The following CDC5L variants were observed in gnomAD, a reference collection of about 807,000 sequenced individuals.
CDC5L encodes cell division cycle 5-like protein.
A neutral mutation model predicts 104.1 loss-of-function variants in CDC5L; 18 were observed. The ratio of observed to expected loss-of-function variants is 0.17; its 90% CI spans 0.12 to 0.26. The LOEUF is 0.26. Among genes scored for constraint, CDC5L ranks in the 10% least tolerant of loss-of-function variants. The pLI is 1.00. For synonymous variants in CDC5L, 331 were observed against 322.7 expected, an observed-to-expected ratio of 1.03 and a Z score of -0.28; for missense variants, 673 against 956.9, an observed-to-expected ratio of 0.70 and a Z score of 3.91.
intron 14 of CDC5L, among the ~76,000 whole-genome samples, chr6:44,437,822 G>T (rs973978410): frequency 6.6e-6 from 1 of 152,136 alleles, no homozygotes; most frequent in Admixed American, 6.5e-5. Context: ...ATGTTAATTC[G>T]TATGATTAAT....
intron 1 of CDC5L, 87 bp downstream of exon 1, chr6:44,387,955 G>T: frequency 7.6e-7 from 1 of 1,312,282 alleles, no homozygotes; most frequent in South Asian, 1.3e-5. Context: ...GGGCGACGAG[G>T]AGACCCTGTG....
At chr6:44,423,314 A>G (rs891083985) in intron 10 of CDC5L, among the ~76,000 whole-genome samples, 2 of 152,240 alleles carry the variant, frequency 1.3e-5, no homozygotes, top group Non-Finnish European at 2.9e-5. Flanking sequence ...GAATGGATAC[A>G]TAAGAATTAA....
chr6:44,435,283 A>T (rs1419707369), intron 14 of CDC5L, among the ~76,000 whole-genome samples: 2 of 151,742 alleles, frequency 1.3e-5, no homozygotes, highest in African/African-American at 4.8e-5. Flanking sequence ...TTTGAGAGAT[A>T]TTTGTTTTCT....
Position 44,408,993 on chromosome 6 carries a change from C to T in CDC5L, c.1092+361C>T, listed in dbSNP as rs1013381748. On this transcript the variant is annotated intron_variant, in intron 8 of 15. Coordinates refer to ENST00000371477, the MANE Select transcript of CDC5L (RefSeq NM_001253.4). ...TGTACTTAGCTTCACATAGTGTGCC[C>T]GCAGTTCTACTTTCTTCCCTCTCTC... Among the ~76,000 whole-genome samples the T allele has an allele frequency of 7.9e-5, 12 of 152,248 alleles. 1 individual carries two copies. The South Asian group carries it at 1.0e-3, about 13-fold the overall frequency.
At position 44,393,479 on chromosome 6, in the gene CDC5L, A is replaced by G. The variant is rs1790714117; in HGVS notation, c.345A>G (p.Glu115=). The G allele has an allele frequency of 1.2e-6, 2 of 1,613,894 alleles. No individual in the cohort carries two copies. The highest frequency in any genetic ancestry group is 1.7e-5 in the Admixed American group (1 of 59,996). ...DKAAQRDNEE[E]TTDDPRKLKP... is the part of the protein sequence containing the mutation. ...CTGCCCAAAGAGACAATGAAGAGGA[A>G]ACAACAGATGATCCACGAAAACTTA... The change falls in exon 4 of 16, where the codon GAA becomes GAG. Residue 115 remains glutamate (E), a synonymous_variant. Coordinates refer to ENST00000371477, the MANE Select transcript of CDC5L (RefSeq NM_001253.4).
In CDC5L at chr6:44,446,948, C is replaced by T. The variant is rs1292250705; in HGVS notation, c.*237C>T. On this transcript the variant is annotated 3_prime_UTR_variant, in exon 16 of 16. Transcript: ENST00000371477. ...CATTCTTTTAGTAATGTCATATTTG[C>T]AAACTTTTTTAGTTTTGGCCTTTAA... is the stretch of plus-strand genomic sequence containing the variant. The T allele has an allele frequency of 3.4e-6, 1 of 296,178 alleles. No individual in the cohort carries two copies. The highest frequency in any genetic ancestry group is 5.1e-5 in the Admixed American group (1 of 19,756). 18.3% of individuals were successfully genotyped at this position (296,178 alleles called of 1,614,324 possible). A position where few individuals can be genotyped will look rare whatever the true frequency, so the allele number is the denominator to read the frequency against.
rs1161302435 is a variant in CDC5L at position 44,419,460 on chromosome 6, C to T, written c.1104C>T (p.Asn368=). The change falls in exon 9 of 16, where the codon AAC becomes AAT. Residue 368 remains asparagine (N), a synonymous_variant. Coordinates refer to ENST00000371477, the MANE Select transcript of CDC5L (RefSeq NM_001253.4). ...SQDRILQEAQ[N]LMALTNVDTP... Reference sequence around the variant, plus strand: ...TTCTTGTTAATCAGGAAGCCCAGAACCTCATGGCCCTCACCAATGTGGACA... The same window carrying T: ...TTCTTGTTAATCAGGAAGCCCAGAATCTCATGGCCCTCACCAATGTGGACA... 3.7e-6 allele frequency: 6 copies of T among 1,613,738 alleles called. No individual in the cohort carries two copies. Among genetic ancestry groups the T allele is most frequent in the African/African-American group, 2.7e-5 (2 of 74,888 alleles).
At chr6:44,411,768 T>C (rs957348591) in intron 8 of CDC5L, among the ~76,000 whole-genome samples, 1 of 152,148 alleles carries the variant, frequency 6.6e-6, no homozygotes, top group African/African-American at 2.4e-5. Context: ...AGCTCAAGGC[T>C]TTGAGGAGGT....
rs1792595958 is a variant in CDC5L, at chr6:44,429,816, G to A, written c.1997G>A (p.Ser666Asn). Residue 666 changes from serine (S) to asparagine (N), a missense_variant, in exon 14 of 16, where the codon AGT becomes AAT. By Grantham distance (46) the Ser-to-Asn change is conservative. This residue lies in a region of CDC5L where 578 missense variants were observed against 737.0 expected (regional missense o/e 0.78). Coordinates refer to ENST00000371477, the MANE Select transcript of CDC5L (RefSeq NM_001253.4). ...AACCAGGTGTGGGAAGAATGCTACA[G>A]TCAAGTTTTATATCTTCCTGGGCAG... The part of the protein sequence containing the change: ...AYNQVWEECY[S>N]QVLYLPGQSR... The A allele has an allele frequency of 1.2e-6, 2 of 1,613,994 alleles. No homozygotes were observed. The highest frequency in any genetic ancestry group is 1.7e-6 in the Non-Finnish European group (2 of 1,179,948).
rs1194633645 is a variant in CDC5L at position 44,426,095 on chromosome 6, T to A, written c.1570-8T>A. ...GCTGCAATAAAGGATATAAAAATCA[T>A]TTTTTAGGCCATACGAGATGCAGAG... On this transcript the variant is annotated splice_region_variant and splice_polypyrimidine_tract_variant and intron_variant, in intron 11 of 15. Transcript: ENST00000371477. 6.4e-7 allele frequency: 1 copy of A among 1,574,438 alleles called. No individual in the cohort carries two copies. The highest frequency in any genetic ancestry group is 1.8e-5 in the Admixed American group (1 of 57,106).
Position 44,446,943 on chromosome 6 carries a change from A to G in CDC5L, c.*232A>G, listed in dbSNP as rs186405901. Reference sequence around the variant, plus strand: ...GCTATCATTCTTTTAGTAATGTCATATTTGCAAACTTTTTTAGTTTTGGCC... The same window carrying G: ...GCTATCATTCTTTTAGTAATGTCATGTTTGCAAACTTTTTTAGTTTTGGCC... On this transcript the variant is annotated 3_prime_UTR_variant, in exon 16 of 16. Coordinates refer to ENST00000371477, the MANE Select transcript of CDC5L (RefSeq NM_001253.4). 28 of 305,866 alleles carry G rather than the reference A, an allele frequency of 9.2e-5. No individual in the cohort carries two copies. The highest frequency in any genetic ancestry group is 5.2e-4 in the African/African-American group (24 of 46,586). The allele number at this position is 305,866 out of a possible 1,614,324, so 18.9% of individuals were successfully genotyped here. A position where few individuals can be genotyped will look rare whatever the true frequency, so the allele number is the denominator to read the frequency against.
At chr6:44,426,296 A>G in intron 12 of CDC5L, 113 bp downstream of exon 12, 1 of 799,520 alleles carries the variant, frequency 1.3e-6, no homozygotes, top group Non-Finnish European at 2.0e-6. Flanking sequence ...TTTCTGGAAT[A>G]TAGCAAAGTA....
At chr6:44,440,435 G>T (rs772237800) in intron 14 of CDC5L, among the ~76,000 whole-genome samples, 21 of 149,452 alleles carry the variant, frequency 1.4e-4, no homozygotes, top group Non-Finnish European at 3.1e-4. Context: ...AGAGATGGGG[G>T]TTTTGTCATG....
At chr6:44,395,508 A>G (rs1790831004) in intron 4 of CDC5L, among the ~76,000 whole-genome samples, 1 of 152,208 alleles carries the variant, frequency 6.6e-6, no homozygotes, top group Non-Finnish European at 1.5e-5. Context: ...GAATACTAAT[A>G]CCTGCTTTAC....
At chr6:44,420,486 G>A (rs1000029363) in intron 9 of CDC5L, among the ~76,000 whole-genome samples, 1 of 151,736 alleles carries the variant, frequency 6.6e-6, no homozygotes, top group African/African-American at 2.4e-5. Flanking sequence ...GGCCTCCCGA[G>A]TAGCTGGGAT....
intron 12 of CDC5L, 28 bp from the exon 13 acceptor site, chr6:44,426,454 G>C (rs756084753): frequency 2.0e-5 from 24 of 1,215,388 alleles, no homozygotes; most frequent in Non-Finnish European, 2.6e-5. Context: ...TGATATGTTT[G>C]GTAATTGTAT....
chr6:44,441,095 G>A (rs1012491378), intron 14 of CDC5L, among the ~76,000 whole-genome samples: 7 of 152,072 alleles, frequency 4.6e-5, no homozygotes, highest in South Asian at 2.1e-4. Context: ...CTATTCTTCC[G>A]TCTAACTGAA....
chr6:44,426,134 T>C lies in CDC5L; in HGVS notation c.1601T>C (p.Met534Thr). Residue 534 changes from methionine to threonine, a missense_variant, in exon 12 of 16, where the codon ATG becomes ACG. Transcript: ENST00000371477. ...AIRDAERVKE[M>T]KRMHKAVQKD... ...CGAGATGCAGAGCGTGTAAAGGAAA[T>C]GAAACGAATGCATAAAGCTGTCCAG... is the stretch of plus-strand genomic sequence containing the variant. 6.2e-7 allele frequency: 1 copy of C among 1,608,706 alleles called. No homozygotes were observed. Among genetic ancestry groups the C allele is most frequent in the Non-Finnish European group, 8.5e-7 (1 of 1,177,334 alleles).
chr6:44,395,917 A>G (rs1357554310), intron 4 of CDC5L, among the ~76,000 whole-genome samples: 1 of 152,242 alleles, frequency 6.6e-6, no homozygotes, highest in Non-Finnish European at 1.5e-5. Flanking sequence ...TTCTCTCATA[A>G]TTAAATAGTT....
Sources: allele counts gnomAD v4.1 joint callset (sites outside exome capture counted in the v4.1 genomes callset), GRCh38; gene constraint gnomAD v4.1.1; regional missense constraint gnomAD v4.1.1; transcripts MANE v1.5; gene names NCBI Gene and HGNC (gene_info 2026-07-23, HGNC 2026-07-21).